KLHL29: variants seen among roughly 807,000 people sequenced by gnomAD.
KLHL29 encodes the protein kelch like family member 29.
In KLHL29, 21 loss-of-function variants were observed where a neutral mutation model predicts 80.4. The observed-to-expected ratio is 0.26, with a 90% CI of 0.19 to 0.38. KLHL29 has a LOEUF of 0.38. Among genes scored for constraint, KLHL29 ranks in the 10% least tolerant of loss-of-function variants. KLHL29 has a pLI of 1.00. For missense variants in KLHL29, 867 were observed against 1,223.9 expected (o/e 0.71, Z 4.35); for synonymous variants, 511 against 526.8 (o/e 0.97, Z 0.41).
chr2:23,687,673 T>C (rs2149197721), intron 6 of KLHL29, among the ~76,000 whole-genome samples: 1 of 152,262 alleles, frequency 6.6e-6, no homozygotes, highest in South Asian at 2.1e-4. Flanking sequence ...GAGAGGCTCC[T>C]TGGAGAGGTG....
chr2:23,506,172 C>T (rs542045635), intron 2 of KLHL29, among the ~76,000 whole-genome samples: 1 of 152,200 alleles, frequency 6.6e-6, no homozygotes, highest in African/African-American at 2.4e-5. Flanking sequence ...TGGGCGGGCC[C>T]AGACATATTC....
intron 1 of KLHL29, among the ~76,000 whole-genome samples, chr2:23,421,213 C>T (rs1220404669): frequency 2.6e-5 from 4 of 152,258 alleles, no homozygotes; most frequent in African/African-American, 9.6e-5. Context: ...TGGTCTGTCA[C>T]ATGCTAGACA....
intron 11 of KLHL29, among the ~76,000 whole-genome samples, chr2:23,699,836 A>ACTT (rs1342797230): frequency 3.3e-5 from 5 of 152,080 alleles, no homozygotes; most frequent in Admixed American, 6.5e-5. Flanking sequence ...CCTCTTCAGC[A>ACTT]CTTTCTCCTA....
intron 3 of KLHL29, among the ~76,000 whole-genome samples, chr2:23,631,345 G>T (rs1369422239): frequency 6.6e-6 from 1 of 152,166 alleles, no homozygotes; most frequent in Admixed American, 6.5e-5. Context: ...TTTAAATAAA[G>T]AATTACTTTT....
chr2:23,459,667 G>A (rs1317193573), intron 1 of KLHL29, among the ~76,000 whole-genome samples: 2 of 152,236 alleles, frequency 1.3e-5, no homozygotes, highest in African/African-American at 4.8e-5. Context: ...GATGCCCAGT[G>A]ACCATTCTGA....
rs374172155 is a variant in KLHL29 at position 23,532,450 on chromosome 2, TGCACCCAGGGCA to T, written c.-45-29690_-45-29679del. ...GGGAATGGGGAGCCCACGCACCCTCTGCACCCAGGGCAGCACCCAGGGCGGCACCCAGGCCCC... is the reference window on the plus strand; with the variant it reads ...GGGAATGGGGAGCCCACGCACCCTCTGCACCCAGGGCGGCACCCAGGCCCC... On this transcript the variant is annotated intron_variant, in intron 2 of 13. Coordinates refer to ENST00000486442, the MANE Select transcript of KLHL29 (RefSeq NM_052920.2). 1.3e-3 allele frequency: 544 copies of T among 409,990 alleles called. 4 individuals are homozygous for T. Among genetic ancestry groups the T allele is most frequent in the African/African-American group, 1.0e-2 (491 of 49,104 alleles). The allele number at this position is 409,990 out of a possible 1,614,324, so 25.4% of individuals were successfully genotyped here. A position where few individuals can be genotyped will look rare whatever the true frequency, so the allele number is the denominator to read the frequency against.
At chr2:23,663,500 G>A (rs1175616534) in intron 5 of KLHL29, among the ~76,000 whole-genome samples, 1 of 152,176 alleles carries the variant, frequency 6.6e-6, no homozygotes, top group Admixed American at 6.5e-5. Flanking sequence ...GTCTGCGAGC[G>A]CCTATTTGCA....
At chr2:23,528,282 G>T (rs1053096305) in intron 2 of KLHL29, among the ~76,000 whole-genome samples, 46 of 152,296 alleles carry the variant, frequency 3.0e-4, no homozygotes, top group African/African-American at 1.0e-3. Context: ...CTGACGGAGG[G>T]TGTTTAACAA....
intron 2 of KLHL29, among the ~76,000 whole-genome samples, chr2:23,547,867 T>A (rs1448053472): frequency 6.6e-6 from 1 of 151,964 alleles, no homozygotes; most frequent in Non-Finnish European, 1.5e-5. Flanking sequence ...AGCAGCAATC[T>A]CTGCAGTCTA....
chr2:23,507,822 G>T (rs1408620675), intron 2 of KLHL29, among the ~76,000 whole-genome samples: 2 of 152,202 alleles, frequency 1.3e-5, no homozygotes, highest in African/African-American at 4.8e-5. Flanking sequence ...CCATCTGAGT[G>T]AGAGGTTGGG....
At chr2:23,512,453 A>G (rs1436448049) in intron 2 of KLHL29, among the ~76,000 whole-genome samples, 1 of 152,214 alleles carries the variant, frequency 6.6e-6, no homozygotes, top group Non-Finnish European at 1.5e-5. Context: ...CTCAAAAAAA[A>G]AAAAAGATTG....
At chr2:23,555,176 G>T (rs576343320) in intron 2 of KLHL29, among the ~76,000 whole-genome samples, 33 of 151,968 alleles carry the variant, frequency 2.2e-4, no homozygotes, top group Non-Finnish European at 1.3e-4. Context: ...CACCCTACAG[G>T]ATCCTGGCTG....
chr2:23,599,205 C>G lies in KLHL29; in HGVS notation c.285+36724C>G, dbSNP rs143536916. On this transcript the variant is annotated intron_variant, in intron 3 of 13. Coordinates refer to ENST00000486442, the MANE Select transcript of KLHL29 (RefSeq NM_052920.2). ...GGACTCTGGGCTGAGCTCCAAGATA[C>G]GGGTTCAAGGCCCGTGTTGCCCCCA... Among the ~76,000 whole-genome samples the G allele has an allele frequency of 6.2e-3, 951 of 152,328 alleles. 8 individuals carry two copies. The highest frequency in any genetic ancestry group is 9.8e-3 in the Non-Finnish European group (666 of 68,040).
chr2:23,670,909 A>C (rs1200507486), intron 5 of KLHL29, among the ~76,000 whole-genome samples: 1 of 27,794 alleles, frequency 3.6e-5, no homozygotes, highest in Non-Finnish European at 1.1e-4. Flanking sequence ...CTCTACACAC[A>C]TGCACGCGCT....
In KLHL29 at chr2:23,581,929, C is replaced by T. The variant is rs565606483; in HGVS notation, c.285+19448C>T. ...TAAGCTCCACCTTTGAAAAACTCTCCCACAACACAACCACTCATCAAGTGG... is the reference window on the plus strand; with the variant it reads ...TAAGCTCCACCTTTGAAAAACTCTCTCACAACACAACCACTCATCAAGTGG... On this transcript the variant is annotated intron_variant, in intron 3 of 13. Transcript: ENST00000486442. Among the ~76,000 whole-genome samples the T allele has an allele frequency of 2.0e-5, 3 of 151,628 alleles. No homozygotes were observed. In the East Asian group the frequency reaches 5.8e-4, roughly 29 times the overall value.
At chr2:23,586,890 C>G (rs560541425) in intron 3 of KLHL29, among the ~76,000 whole-genome samples, 16 of 152,298 alleles carry the variant, frequency 1.1e-4, no homozygotes, top group African/African-American at 3.6e-4. Flanking sequence ...CTCTGTGACC[C>G]CAGCTCCTAA....
intron 1 of KLHL29, among the ~76,000 whole-genome samples, chr2:23,412,127 G>C (rs373496509): frequency 0.35 from 47,337 of 134,580 alleles, 9,881 homozygotes; most frequent in South Asian, 0.4. Context: ...CGTGAAGGGG[G>C]GGGGGGGGCG....
intron 5 of KLHL29, among the ~76,000 whole-genome samples, chr2:23,656,791 C>T (rs188092312): frequency 7.2e-5 from 11 of 152,264 alleles, no homozygotes; most frequent in African/African-American, 2.4e-4. Flanking sequence ...AGGAATTTCC[C>T]AGGCTTCCTG....
At chr2:23,441,434 C>G (rs1380716334) in intron 1 of KLHL29, among the ~76,000 whole-genome samples, 1 of 151,442 alleles carries the variant, frequency 6.6e-6, no homozygotes. Context: ...ACATATGTAA[C>G]TAACCTGCAC....
Sources: allele counts gnomAD v4.1 joint callset (sites outside exome capture counted in the v4.1 genomes callset), GRCh38; gene constraint gnomAD v4.1.1; transcripts MANE v1.5; gene names NCBI Gene and HGNC (gene_info 2026-07-23, HGNC 2026-07-21).